Variants in PTPRB observed in about 807,000 individuals in gnomAD.
The protein encoded by PTPRB is protein tyrosine phosphatase receptor type B.
In PTPRB, 97 loss-of-function variants were observed where a neutral mutation model predicts 238.1. That is an observed-to-expected ratio of 0.41 (90% CI 0.35 to 0.48). The LOEUF (loss-of-function observed/expected upper bound fraction) is 0.48, where lower values mean the gene tolerates loss of function less well. Ranked by LOEUF, PTPRB falls within the 20% of genes least tolerant of loss-of-function variation. The pLI is 0.30. For synonymous variants in PTPRB, 970 were observed against 995.4 expected (o/e 0.97, Z 0.48); for missense variants, 2,292 against 2,681.9 (o/e 0.85, Z 3.21).
intron 4 of PTPRB, 58 bp from the exon 5 acceptor site, chr12:70,596,385 AAG>A: frequency 7.5e-7 from 1 of 1,328,128 alleles, no homozygotes; most frequent in Non-Finnish European, 9.6e-7. Context: ...AAGAAAAAAA[AAG>A]AACATGGCTT....
chr12:70,544,037 A>G (rs1024856928), intron 22 of PTPRB, among the ~76,000 whole-genome samples: 5 of 152,242 alleles, frequency 3.3e-5, no homozygotes, highest in Non-Finnish European at 7.3e-5. Context: ...AGTCTCTTTC[A>G]GAAATTGTTA....
chr12:70,580,560 C>T (rs1028597002), intron 10 of PTPRB, among the ~76,000 whole-genome samples: 4 of 152,186 alleles, frequency 2.6e-5, no homozygotes. Flanking sequence ...TGGCTCACGC[C>T]TGTAATCCCA....
chr12:70,573,953 T>C (rs1260501083), intron 11 of PTPRB, among the ~76,000 whole-genome samples: 1 of 152,146 alleles, frequency 6.6e-6, no homozygotes, highest in African/African-American at 2.4e-5. Context: ...ATTTAGAGCA[T>C]GATATTAAGG....
intron 21 of PTPRB, among the ~76,000 whole-genome samples, chr12:70,547,522 C>CTT (rs11296814): frequency 6.1e-5 from 7 of 115,234 alleles, no homozygotes; most frequent in African/African-American, 1.3e-4. Flanking sequence ...TCTTTCCTTC[C>CTT]TTTTTTTTTT....
In PTPRB at chr12:70,566,634, T is replaced by C; in HGVS notation, c.3705A>G (p.Gln1235=). 7.4e-6 allele frequency: 12 copies of C among 1,614,056 alleles called. No homozygotes were observed. The highest frequency in any genetic ancestry group is 1.0e-5 in the Non-Finnish European group (12 of 1,179,902). ...YSSYSLIVSW[Q]KAAGVAERYD... is the part of the protein sequence containing the mutation. ...ATCTTTCTGCCACACCAGCAGCTTT[T>C]TGCCAACTTACTATTAAGGAATAAC... The change falls in exon 15 of 34, where the codon CAA becomes CAG. Residue 1235 remains glutamine, a synonymous_variant. Coordinates refer to ENST00000334414, the MANE Select transcript of PTPRB (RefSeq NM_001109754.4).
intron 21 of PTPRB, among the ~76,000 whole-genome samples, chr12:70,550,047 G>C (rs1204616101): frequency 6.6e-6 from 1 of 152,202 alleles, no homozygotes; most frequent in Non-Finnish European, 1.5e-5. Flanking sequence ...GTCTAGTAAA[G>C]AGGGCAGGTA....
At chr12:70,632,409 C>T (rs879885650) in intron 2 of PTPRB, among the ~76,000 whole-genome samples, 39 of 151,744 alleles carry the variant, frequency 2.6e-4, no homozygotes, top group Non-Finnish European at 5.6e-4. Flanking sequence ...CAGGAGACAT[C>T]ACACACTGGG....
chr12:70,561,475 C>A (rs1435235107), intron 16 of PTPRB, among the ~76,000 whole-genome samples: 2 of 152,186 alleles, frequency 1.3e-5, no homozygotes, highest in Admixed American at 6.5e-5. Context: ...ATCCCAATAG[C>A]TTTGCTATTT....
rs771864019 is a variant in PTPRB, at chr12:70,576,354, G to A, written c.2842+28C>T. The stretch of plus-strand genomic sequence containing the variant: ...GAGCCACATGTGAATTGGTTCTTAC[G>A]GAGCCCTGAACCTTCATACAGCCTT... On this transcript the variant is annotated intron_variant, in intron 11 of 33. Transcript: ENST00000334414. 16 of 1,604,204 alleles carry A rather than the reference G, an allele frequency of 1.0e-5. No individual in the cohort carries two copies. In the South Asian group the frequency reaches 1.5e-4, roughly 15 times the overall value.
intron 33 of PTPRB, among the ~76,000 whole-genome samples, chr12:70,522,131 A>G (rs1383291013): frequency 6.6e-6 from 1 of 152,222 alleles, no homozygotes; most frequent in Non-Finnish European, 1.5e-5. Context: ...ACTCATTAAC[A>G]TACTGGCTAG....
At chr12:70,577,490 T>A (rs973329304) in intron 10 of PTPRB, among the ~76,000 whole-genome samples, 1 of 152,204 alleles carries the variant, frequency 6.6e-6, no homozygotes, top group Non-Finnish European at 1.5e-5. Flanking sequence ...TGAGTAAAAG[T>A]TGAACCACAT....
At chr12:70,580,080 C>T (rs1881213866) in intron 10 of PTPRB, among the ~76,000 whole-genome samples, 1 of 151,810 alleles carries the variant, frequency 6.6e-6, no homozygotes, top group Non-Finnish European at 1.5e-5. Context: ...TTTTATATAT[C>T]ATATATATTA....
chr12:70,632,814 T>C (rs1259974105), intron 2 of PTPRB, among the ~76,000 whole-genome samples: 1 of 152,190 alleles, frequency 6.6e-6, no homozygotes, highest in Non-Finnish European at 1.5e-5. Flanking sequence ...GCTTAGAGGA[T>C]AAAGCTCAGG....
chr12:70,550,194 A>G (rs1268205190), intron 21 of PTPRB, among the ~76,000 whole-genome samples: 2 of 152,176 alleles, frequency 1.3e-5, no homozygotes, highest in Non-Finnish European at 2.9e-5. Flanking sequence ...TGGGTGGTTG[A>G]GGGTTGAGCT....
At chr12:70,619,449 A>G (rs535670649) in intron 3 of PTPRB, among the ~76,000 whole-genome samples, 1 of 152,116 alleles carries the variant, frequency 6.6e-6, no homozygotes, top group African/African-American at 2.4e-5. Context: ...ATCTATTTCT[A>G]CACTCCCTGA....
chr12:70,539,493 A>G (rs1874706612), intron 26 of PTPRB, 132 bp downstream of exon 26: 2 of 700,976 alleles, frequency 2.9e-6, no homozygotes, highest in East Asian at 5.4e-5. Context: ...GGCATAAAAG[A>G]GTGCTCAGCT....
chr12:70,550,901 C>A (rs12227175), intron 21 of PTPRB, among the ~76,000 whole-genome samples: 1 of 143,628 alleles, frequency 7.0e-6, no homozygotes, highest in Non-Finnish European at 1.5e-5. Context: ...TTTTTTTTTT[C>A]TTTTTTATTT....
rs1871244355 is a variant in PTPRB at position 70,516,982 on chromosome 12, T to C, written c.*4507A>G. On this transcript the variant is annotated 3_prime_UTR_variant, in exon 34 of 34. Transcript: ENST00000334414. ...GGAGCCTCCCTACAAGTCAAGAGTATTCTCTTAGCCAGAAATACTTCTATT... is the reference window on the plus strand; with the variant it reads ...GGAGCCTCCCTACAAGTCAAGAGTACTCTCTTAGCCAGAAATACTTCTATT... 1 of 152,222 alleles carries C rather than the reference T, an allele frequency of 6.6e-6. No individual in the cohort carries two copies. Among genetic ancestry groups the C allele is most frequent in the African/African-American group, 2.4e-5 (1 of 41,462 alleles). 9.4% of individuals were successfully genotyped at this position (152,222 alleles called of 1,614,324 possible).
intron 21 of PTPRB, among the ~76,000 whole-genome samples, chr12:70,547,115 T>C (rs901588226): frequency 2.0e-5 from 3 of 152,172 alleles, no homozygotes; most frequent in African/African-American, 7.2e-5. Context: ...GGGCAAATTG[T>C]TCTGACCCTG....
Sources: allele counts gnomAD v4.1 joint callset (sites outside exome capture counted in the v4.1 genomes callset), GRCh38; gene constraint gnomAD v4.1.1; transcripts MANE v1.5; gene names NCBI Gene and HGNC (gene_info 2026-07-23, HGNC 2026-07-21).